The following SPOP variants were observed in gnomAD, a reference collection of about 807,000 sequenced individuals.
SPOP encodes the protein speckle-type POZ protein.
SPOP carries 11 observed loss-of-function variants against 45.6 expected under a neutral mutation model. The ratio of observed to expected loss-of-function variants is 0.24; its 90% CI spans 0.15 to 0.40. The LOEUF (loss-of-function observed/expected upper bound fraction) is 0.40, where lower values mean the gene tolerates loss of function less well. Among genes scored for constraint, SPOP ranks in the 10% least tolerant of loss-of-function variants. SPOP has a pLI of 1.00. For missense variants in SPOP, 152 were observed against 465.6 expected, an observed-to-expected ratio of 0.33 and a Z score of 6.20; for synonymous variants, 166 against 166.3, an observed-to-expected ratio of 1.00 and a Z score of 0.01.
At chr17:49,621,384 C>CT (rs2072219882) in intron 3 of SPOP, among the ~76,000 whole-genome samples, 2 of 152,372 alleles carry the variant, frequency 1.3e-5, no homozygotes, top group South Asian at 4.1e-4. Flanking sequence ...TGTTCTTACT[C>CT]TAACTACTGG....
At chr17:49,617,556 T>A (rs2072113550) in intron 5 of SPOP, among the ~76,000 whole-genome samples, 1 of 152,168 alleles carries the variant, frequency 6.6e-6, no homozygotes, top group Non-Finnish European at 1.5e-5. Flanking sequence ...GCAAACTATA[T>A]TTTACATATT....
At chr17:49,610,041 AG>A (rs2071936277) in intron 6 of SPOP, among the ~76,000 whole-genome samples, 1 of 152,088 alleles carries the variant, frequency 6.6e-6, no homozygotes, top group South Asian at 2.1e-4. Flanking sequence ...TTTCTCTTGG[AG>A]GAAGTAGGCA....
chr17:49,664,729 C>T (rs1330707378), intron 1 of SPOP, among the ~76,000 whole-genome samples: 1 of 152,124 alleles, frequency 6.6e-6, no homozygotes, highest in Non-Finnish European at 1.5e-5. Context: ...GGTATCTGGC[C>T]CGGAGGAAAA....
chr17:49,658,075 T>C (rs2072938931), intron 1 of SPOP, among the ~76,000 whole-genome samples: 1 of 152,188 alleles, frequency 6.6e-6, no homozygotes, highest in Admixed American at 6.5e-5. Flanking sequence ...TAAAGTATGA[T>C]TAATCCATAA....
intron 1 of SPOP, among the ~76,000 whole-genome samples, chr17:49,654,614 G>A (rs1021553146): frequency 1.3e-5 from 2 of 152,038 alleles, no homozygotes; most frequent in Non-Finnish European, 2.9e-5. Flanking sequence ...GCAAAACCCT[G>A]TCTCTACTAA....
chr17:49,664,474 TAATA>T (rs1450841728), intron 1 of SPOP, among the ~76,000 whole-genome samples: 2 of 152,232 alleles, frequency 1.3e-5, no homozygotes, highest in Non-Finnish European at 1.5e-5. Context: ...TATTTTATAG[TAATA>T]AATATTTTTA....
At chr17:49,667,198 A>T (rs1282771503) in intron 1 of SPOP, among the ~76,000 whole-genome samples, 1 of 151,648 alleles carries the variant, frequency 6.6e-6, no homozygotes, top group Non-Finnish European at 1.5e-5. Context: ...AAAAAAAAAA[A>T]AATTAAAACA....
At chr17:49,627,349 A>G (rs1328612909) in intron 1 of SPOP, among the ~76,000 whole-genome samples, 1 of 152,236 alleles carries the variant, frequency 6.6e-6, no homozygotes, top group Admixed American at 6.5e-5. Flanking sequence ...TTGATGGAAA[A>G]CACATTCTTA....
chr17:49,653,087 A>C (rs190282620), intron 1 of SPOP, among the ~76,000 whole-genome samples: 6 of 152,202 alleles, frequency 3.9e-5, no homozygotes, highest in Admixed American at 2.0e-4. Context: ...CCTGAATCTG[A>C]ATTTCCTCAT....
intron 1 of SPOP, among the ~76,000 whole-genome samples, chr17:49,639,643 C>T (rs2072609790): frequency 6.6e-6 from 1 of 152,050 alleles, no homozygotes; most frequent in Non-Finnish European, 1.5e-5. Flanking sequence ...ATGTAAAAAT[C>T]ACATAATGTA....
chr17:49,607,867 T>C lies in SPOP; in HGVS notation c.714+7A>G, dbSNP rs546490221. 3 of 1,610,980 alleles carry C rather than the reference T, an allele frequency of 1.9e-6. No individual in the cohort carries two copies. Among genetic ancestry groups the C allele is most frequent in the African/African-American group, 2.7e-5 (2 of 74,970 alleles). Reference sequence around the variant, plus strand: ...CTAAACAGACATGTCTTCATCTTGTTACATACCTTTTTGCTCTCCTCCATT... The same window carrying C: ...CTAAACAGACATGTCTTCATCTTGTCACATACCTTTTTGCTCTCCTCCATT... On this transcript the variant is annotated splice_region_variant and intron_variant, in intron 7 of 9. Coordinates refer to ENST00000504102, the MANE Select transcript of SPOP (RefSeq NM_001007228.2).
At chr17:49,666,298 A>C (rs565086115) in intron 1 of SPOP, among the ~76,000 whole-genome samples, 6 of 152,288 alleles carry the variant, frequency 3.9e-5, no homozygotes, top group African/African-American at 1.4e-4. Context: ...TATGAAAAAA[A>C]AAAGTGATCT....
chr17:49,628,770 T>C (rs1015331849), intron 1 of SPOP, among the ~76,000 whole-genome samples: 1 of 152,244 alleles, frequency 6.6e-6, no homozygotes, highest in Non-Finnish European at 1.5e-5. Context: ...GCTGTCGTGA[T>C]GCACAGATAA....
chr17:49,663,168 GC>G (rs915636917), intron 1 of SPOP, among the ~76,000 whole-genome samples: 5 of 152,218 alleles, frequency 3.3e-5, no homozygotes, highest in African/African-American at 1.2e-4. Context: ...GGGCGAGCAA[GC>G]ATTACTGCCT....
chr17:49,657,130 A>AGCCGAGATTGC (rs375939159), intron 1 of SPOP, among the ~76,000 whole-genome samples: 9 of 151,820 alleles, frequency 5.9e-5, no homozygotes, highest in African/African-American at 1.4e-4. Flanking sequence ...GCTTGCAGTG[A>AGCCGAGATTGC]GCCGAGATTG....
intron 1 of SPOP, among the ~76,000 whole-genome samples, chr17:49,667,020 A>C (rs1270228103): frequency 6.6e-6 from 1 of 151,644 alleles, no homozygotes; most frequent in Non-Finnish European, 1.5e-5. Context: ...CCTAGTAAAA[A>C]CACAAAAATT....
intron 1 of SPOP, among the ~76,000 whole-genome samples, chr17:49,654,030 T>A (rs895898305): frequency 6.6e-6 from 1 of 152,164 alleles, no homozygotes; most frequent in Non-Finnish European, 1.5e-5. Context: ...TAGATCAGGA[T>A]GTGAATTTAA....
intron 6 of SPOP, 34 bp downstream of exon 6, chr17:49,611,246 A>G: frequency 6.3e-7 from 1 of 1,590,940 alleles, no homozygotes; most frequent in Non-Finnish European, 8.6e-7. Context: ...TTATTTCACC[A>G]AAACTATAAA....
intron 1 of SPOP, among the ~76,000 whole-genome samples, chr17:49,666,034 G>A (rs2143552710): frequency 6.6e-6 from 1 of 151,598 alleles, no homozygotes; most frequent in Middle Eastern, 3.4e-3. Flanking sequence ...AAAGAACAAG[G>A]GAGTGAGACT....
Sources: gnomAD v4.1 joint callset for allele counts (sites outside exome capture counted in the v4.1 genomes callset) on GRCh38, gnomAD v4.1.1 for gene constraint, MANE v1.5 for transcripts, NCBI Gene and HGNC (gene_info 2026-07-23, HGNC 2026-07-21) for gene names.